The following RMI1 variants were observed in gnomAD, a reference collection of about 807,000 sequenced individuals.
The protein encoded by RMI1 is recQ-mediated genome instability protein 1.
RMI1 carries 36 observed loss-of-function variants against 46.7 expected under a neutral mutation model. That is an observed-to-expected ratio of 0.77 (90% CI 0.59 to 1.02). The LOEUF (loss-of-function observed/expected upper bound fraction) is 1.02, where lower values mean the gene tolerates loss of function less well. RMI1 is among the 50% of genes least tolerant of loss of function. The pLI is 0.00. For missense variants in RMI1, 676 were observed against 713.7 expected, an observed-to-expected ratio of 0.95 and a Z score of 0.60; for synonymous variants, 250 against 252.9, an observed-to-expected ratio of 0.99 and a Z score of 0.11.
chr9:83,981,750 G>A (rs573574724), intron 1 of RMI1, among the ~76,000 whole-genome samples: 51 of 152,312 alleles, frequency 3.3e-4, no homozygotes, highest in African/African-American at 1.2e-3. Flanking sequence ...TGATGAATTT[G>A]TGCTGATTCA....
At chr9:83,982,447 A>T (rs949788349) in intron 1 of RMI1, among the ~76,000 whole-genome samples, 2 of 152,034 alleles carry the variant, frequency 1.3e-5, no homozygotes, top group African/African-American at 4.8e-5. Flanking sequence ...GCGGACCACA[A>T]GGTCAGGAGA....
chr9:83,981,803 A>T (rs1206287477), intron 1 of RMI1, among the ~76,000 whole-genome samples: 1 of 152,248 alleles, frequency 6.6e-6, no homozygotes, highest in African/African-American at 2.4e-5. Context: ...TGCAAAACAT[A>T]TATACCAGCA....
At chr9:83,984,561 C>T (rs568403852) in intron 1 of RMI1, among the ~76,000 whole-genome samples, 10 of 151,168 alleles carry the variant, frequency 6.6e-5, no homozygotes, top group African/African-American at 2.4e-4. Context: ...TTTTGAACAT[C>T]TTTTTTTCTT....
Position 84,003,932 on chromosome 9 carries a change from A to T in RMI1, c.*1068A>T, listed in dbSNP as rs1957774337. On this transcript the variant is annotated 3_prime_UTR_variant, in exon 3 of 3. Transcript: ENST00000445877. Reference sequence around the variant, plus strand: ...TAAGTACTGATTTTTTTTTAAAAAAAAGAGGGACTGTTTACCATTCTTCCA... The same window carrying T: ...TAAGTACTGATTTTTTTTTAAAAAATAGAGGGACTGTTTACCATTCTTCCA... 6.1e-6 allele frequency: 1 copy of T among 164,938 alleles called. No homozygotes were observed. The highest frequency in any genetic ancestry group is 2.1e-4 in the South Asian group (1 of 4,836). The allele number at this position is 164,938 out of a possible 1,614,324, so 10.2% of individuals were successfully genotyped here.
At position 84,003,926 on chromosome 9, in the gene RMI1, A is replaced by T. The variant is rs572256163; in HGVS notation, c.*1062A>T. ...TGGTTTTAAGTACTGATTTTTTTTT[A>T]AAAAAAAGAGGGACTGTTTACCATT... On this transcript the variant is annotated 3_prime_UTR_variant, in exon 3 of 3. Coordinates refer to ENST00000445877, the MANE Select transcript of RMI1 (RefSeq NM_001358291.2). 351 of 165,758 alleles carry T rather than the reference A, an allele frequency of 2.1e-3. 1 individual carries two copies. The highest frequency in any genetic ancestry group is 0.014 in the East Asian group (70 of 5,176). 10.3% of individuals were successfully genotyped at this position (165,758 alleles called of 1,614,324 possible).
intron 1 of RMI1, among the ~76,000 whole-genome samples, chr9:83,996,142 T>C (rs1957649620): frequency 6.6e-6 from 1 of 152,158 alleles, no homozygotes; most frequent in South Asian, 2.1e-4. Context: ...GGCTTTAGAG[T>C]TTACTCCACC....
chr9:83,997,978 T>G (rs1957683031), intron 1 of RMI1, among the ~76,000 whole-genome samples: 1 of 151,686 alleles, frequency 6.6e-6, no homozygotes, highest in Admixed American at 6.6e-5. Flanking sequence ...AAAAAAAAAT[T>G]TAAAGATGGG....
Position 83,990,526 on chromosome 9 carries a change from C to A in RMI1, c.-125-9183C>A, listed in dbSNP as rs770824170. Among the ~76,000 whole-genome samples the A allele has an allele frequency of 7.2e-3, 923 of 127,944 alleles. 4 individuals carry two copies. Among genetic ancestry groups the A allele is most frequent in the Middle Eastern group, 0.029 (7 of 242 alleles). 83.9% of individuals were successfully genotyped at this position (127,944 alleles called of 152,430 possible). The stretch of plus-strand genomic sequence containing the variant: ...ATGCTGTCTTAAAAAAAAAAAAAAA[C>A]AATTGGAATAAGTTCTAGTGTTTGA... On this transcript the variant is annotated intron_variant, in intron 1 of 2. Transcript: ENST00000445877.
At chr9:83,988,132 C>A (rs2133106589) in intron 1 of RMI1, among the ~76,000 whole-genome samples, 1 of 152,280 alleles carries the variant, frequency 6.6e-6, no homozygotes, top group African/African-American at 2.4e-5. Context: ...GACCCTCCCA[C>A]CTCAGTTTCC....
At chr9:83,988,218 ACT>A (rs1207862271) in intron 1 of RMI1, among the ~76,000 whole-genome samples, 1 of 151,830 alleles carries the variant, frequency 6.6e-6, no homozygotes, top group African/African-American at 2.4e-5. Context: ...AAAATTATTT[ACT>A]CTCTTGAGTA....
intron 1 of RMI1, among the ~76,000 whole-genome samples, chr9:83,996,145 A>C (rs906055945): frequency 1.1e-4 from 16 of 151,860 alleles, no homozygotes; most frequent in African/African-American, 3.6e-4. Flanking sequence ...TTTAGAGTTT[A>C]CTCCACCTGT....
rs1564086818 is a variant in RMI1 at position 84,002,442 on chromosome 9, T to C, written c.1456T>C (p.Leu486=). 1.2e-6 allele frequency: 2 copies of C among 1,613,910 alleles called. No individual in the cohort carries two copies. The highest frequency in any genetic ancestry group is 1.7e-6 in the Non-Finnish European group (2 of 1,179,928). ...NSINLSIAMD[L]YSPPFVYLSV... ...CATTAATCTTTCTATTGCCATGGAT[T>C]TGTATTCTCCACCCTTTGTCTATTT... The change falls in exon 3 of 3, where the codon TTG becomes CTG. Residue 486 remains leucine, a synonymous_variant. Coordinates refer to ENST00000445877, the MANE Select transcript of RMI1 (RefSeq NM_001358291.2).
chr9:83,986,898 A>G (rs970765365), intron 1 of RMI1, among the ~76,000 whole-genome samples: 3 of 152,190 alleles, frequency 2.0e-5, no homozygotes, highest in African/African-American at 7.2e-5. Flanking sequence ...TCCTCATTTC[A>G]GTTTACTTAA....
chr9:83,983,483 T>G (rs1299805281), intron 1 of RMI1, among the ~76,000 whole-genome samples: 1 of 152,210 alleles, frequency 6.6e-6, no homozygotes, highest in African/African-American at 2.4e-5. Context: ...CTTACCTTTA[T>G]TGTTTAGATG....
intron 1 of RMI1, among the ~76,000 whole-genome samples, chr9:83,997,709 G>A (rs1048709750): frequency 6.6e-6 from 1 of 152,026 alleles, no homozygotes; most frequent in African/African-American, 2.4e-5. Flanking sequence ...CCTCCTACCA[G>A]GTCTTACCTC....
chr9:83,984,390 C>T (rs991871038), intron 1 of RMI1, among the ~76,000 whole-genome samples: 2 of 151,718 alleles, frequency 1.3e-5, no homozygotes, highest in Non-Finnish European at 2.9e-5. Flanking sequence ...CTGCCTCAGC[C>T]TCCCGAGTAG....
At chr9:83,999,895 A>G (rs960343807) in intron 2 of RMI1, 98 bp downstream of exon 2, 1 of 152,224 alleles carries the variant, frequency 6.6e-6, no homozygotes, top group African/African-American at 2.4e-5. Flanking sequence ...TGAACACATG[A>G]TTGATTGGGC....
At chr9:83,984,032 G>A (rs1043801268) in intron 1 of RMI1, among the ~76,000 whole-genome samples, 4 of 151,616 alleles carry the variant, frequency 2.6e-5, no homozygotes, top group African/African-American at 9.7e-5. Context: ...AAACTCAGTG[G>A]TAAACTCTCT....
Position 84,004,051 on chromosome 9 carries a change from TAAAC to T in RMI1, c.*1191_*1194del, listed in dbSNP as rs1271941063. ...TAAAGTGCTTTGAATTTTAAAACATTAAACAAATCCTTAAATAACAAAATACATT... is the reference window on the plus strand; with the variant it reads ...TAAAGTGCTTTGAATTTTAAAACATTAAATCCTTAAATAACAAAATACATT... On this transcript the variant is annotated 3_prime_UTR_variant, in exon 3 of 3. Coordinates refer to ENST00000445877, the MANE Select transcript of RMI1 (RefSeq NM_001358291.2). The T allele has an allele frequency of 2.5e-5, 4 of 157,926 alleles. No homozygotes were observed. Among genetic ancestry groups the T allele is most frequent in the Middle Eastern group, 3.4e-3 (1 of 296 alleles). The allele number at this position is 157,926 out of a possible 1,614,324, so 9.8% of individuals were successfully genotyped here.
Sources: allele counts gnomAD v4.1 joint callset (sites outside exome capture counted in the v4.1 genomes callset), GRCh38; gene constraint gnomAD v4.1.1; transcripts MANE v1.5; gene names NCBI Gene and HGNC (gene_info 2026-07-23, HGNC 2026-07-21).